Variants in TCF12 observed in about 807,000 individuals in gnomAD.
TCF12 encodes the protein transcription factor 12.
Under a neutral mutation model 86.0 loss-of-function variants are expected in TCF12, and 45 were observed. The ratio of observed to expected loss-of-function variants is 0.52; its 90% CI spans 0.41 to 0.67. The LOEUF (loss-of-function observed/expected upper bound fraction) is 0.67, where lower values mean the gene tolerates loss of function less well. Ranked by LOEUF, TCF12 falls within the 30% of genes least tolerant of loss-of-function variation. The pLI is 0.00. For missense variants in TCF12, 881 were observed against 859.9 expected, an observed-to-expected ratio of 1.02 and a Z score of -0.31; for synonymous variants, 330 against 299.6, an observed-to-expected ratio of 1.10 and a Z score of -1.05.
intron 3 of TCF12, among the ~76,000 whole-genome samples, chr15:57,018,549 G>A (rs1446100081): frequency 1.3e-5 from 2 of 151,968 alleles, no homozygotes; most frequent in Non-Finnish European, 2.9e-5. Context: ...CGCAACATGT[G>A]CTTCTCGGGG....
At chr15:57,019,652 C>T (rs1460630894) in intron 3 of TCF12, among the ~76,000 whole-genome samples, 2 of 152,054 alleles carry the variant, frequency 1.3e-5, no homozygotes, top group Non-Finnish European at 2.9e-5. Flanking sequence ...TCATGAGTCA[C>T]GGGTCCCAGT....
rs2066791462 is a variant in TCF12, at chr15:57,040,047, CT to C, written c.149-23702del. Among the ~76,000 whole-genome samples the C allele has an allele frequency of 3.3e-5, 5 of 152,130 alleles. No individual in the cohort carries two copies. The South Asian group carries it at 1.0e-3, about 31-fold the overall frequency. On this transcript the variant is annotated intron_variant, in intron 3 of 20. Transcript: ENST00000333725. Reference sequence around the variant, plus strand: ...TCTCTCTTTTATCTCACTTTCTTTCCTGAATAAGAACTTTTATTATTGGCTT... The same window carrying C: ...TCTCTCTTTTATCTCACTTTCTTTCCGAATAAGAACTTTTATTATTGGCTT...
chr15:57,222,692 C>T (rs2058654470), intron 8 of TCF12, among the ~76,000 whole-genome samples: 1 of 135,658 alleles, frequency 7.4e-6, no homozygotes, highest in African/African-American at 2.8e-5. Context: ...GTCCTTTACA[C>T]AGAAAGTGAG....
At chr15:57,174,792 T>G (rs1440868225) in intron 6 of TCF12, among the ~76,000 whole-genome samples, 1 of 152,098 alleles carries the variant, frequency 6.6e-6, no homozygotes, top group African/African-American at 2.4e-5. Flanking sequence ...TCCAAAAGCG[T>G]GAAATACTGA....
chr15:57,027,079 C>A lies in TCF12; in HGVS notation c.149-36671C>A, dbSNP rs371424922. Among the ~76,000 whole-genome samples, 9 of 151,890 alleles carry A rather than the reference C, an allele frequency of 5.9e-5. No homozygotes were observed. The East Asian group carries it at 7.7e-4, about 13-fold the overall frequency. On this transcript the variant is annotated intron_variant, in intron 3 of 20. Coordinates refer to ENST00000333725, the MANE Select transcript of TCF12 (RefSeq NM_207037.2). ...TCTGCAGATACAGAAACTGAAGATA[C>A]CTAGGGCTGACTGTATATACAATAA... is the stretch of plus-strand genomic sequence containing the variant.
chr15:56,937,074 C>G (rs2060501315), intron 3 of TCF12, among the ~76,000 whole-genome samples: 1 of 152,060 alleles, frequency 6.6e-6, no homozygotes, highest in Non-Finnish European at 1.5e-5. Flanking sequence ...TGGTCATTTT[C>G]ACAATATTGA....
At chr15:57,285,268 G>C (rs2061885572) in intron 20 of TCF12, among the ~76,000 whole-genome samples, 1 of 152,134 alleles carries the variant, frequency 6.6e-6, no homozygotes, top group Non-Finnish European at 1.5e-5. Context: ...GTCCCTAAGA[G>C]CATTGCTGTG....
intron 3 of TCF12, among the ~76,000 whole-genome samples, chr15:56,990,875 G>A (rs1158852514): frequency 6.6e-6 from 1 of 151,310 alleles, no homozygotes; most frequent in Non-Finnish European, 1.5e-5. Context: ...GCTCACTGGA[G>A]CCTCTACCTT....
At chr15:57,194,785 C>G (rs2057167322) in intron 7 of TCF12, among the ~76,000 whole-genome samples, 1 of 152,150 alleles carries the variant, frequency 6.6e-6, no homozygotes, top group African/African-American at 2.4e-5. Flanking sequence ...TGTGTTACCC[C>G]CTTTTTACAT....
intron 3 of TCF12, among the ~76,000 whole-genome samples, chr15:57,000,913 A>G (rs1400538229): frequency 6.6e-6 from 1 of 151,430 alleles, no homozygotes; most frequent in East Asian, 1.9e-4. Flanking sequence ...TGTCCTGTTT[A>G]TTATGACTCT....
At chr15:57,117,117 T>C (rs1203285858) in intron 5 of TCF12, among the ~76,000 whole-genome samples, 2 of 151,886 alleles carry the variant, frequency 1.3e-5, no homozygotes, top group African/African-American at 4.8e-5. Flanking sequence ...TTTTTTTCTT[T>C]CTTTTTCATT....
chr15:56,949,911 C>T (rs2061187588), intron 3 of TCF12, among the ~76,000 whole-genome samples: 1 of 152,130 alleles, frequency 6.6e-6, no homozygotes, highest in African/African-American at 2.4e-5. Context: ...GTGGGGAAGA[C>T]AGGAAAAGGG....
Position 57,063,822 on chromosome 15 carries a change from G to C in TCF12, c.221G>C (p.Arg74Thr). The C allele has an allele frequency of 6.3e-7, 1 of 1,585,776 alleles. No individual in the cohort carries two copies. Among genetic ancestry groups the C allele is most frequent in the South Asian group, 1.1e-5 (1 of 87,540 alleles). Reference sequence around the variant, plus strand: ...CCAAGTCCTTCCTATGATTCATCTAGAGTAAGTTTGCTGATCAACCCTTGA... The same window carrying C: ...CCAAGTCCTTCCTATGATTCATCTACAGTAAGTTTGCTGATCAACCCTTGA... ...GQPSPSYDSSRGFTDSPHYSD... is the reference protein window; with the variant it reads ...GQPSPSYDSSTGFTDSPHYSD... Residue 74 changes from arginine (R) to threonine (T), a missense_variant and splice_region_variant, in exon 4 of 21, where the codon AGA (arginine) becomes ACA (threonine). Arg to Thr is a moderately conservative substitution (Grantham distance 71). This residue lies in a region of TCF12 where 766 missense variants were observed against 718.9 expected (regional missense o/e 1.07). Transcript: ENST00000333725.
intron 3 of TCF12, among the ~76,000 whole-genome samples, chr15:56,971,914 A>G (rs1324374492): frequency 1.3e-5 from 2 of 152,180 alleles, no homozygotes; most frequent in Non-Finnish European, 2.9e-5. Flanking sequence ...GAGTAGATGG[A>G]AGAAGGGGGT....
At chr15:57,083,029 T>G (rs1412151848) in intron 4 of TCF12, among the ~76,000 whole-genome samples, 1 of 152,160 alleles carries the variant, frequency 6.6e-6, no homozygotes, top group Admixed American at 6.5e-5. Flanking sequence ...GTCTTATATA[T>G]TGAATGTTAA....
intron 13 of TCF12, among the ~76,000 whole-genome samples, chr15:57,248,548 T>C (rs1440352136): frequency 6.6e-6 from 1 of 152,188 alleles, no homozygotes. Flanking sequence ...GTAGTAATCT[T>C]CAGAGCTTTC....
intron 5 of TCF12, among the ~76,000 whole-genome samples, chr15:57,097,697 A>C (rs1395855477): frequency 3.3e-5 from 5 of 152,124 alleles, no homozygotes; most frequent in African/African-American, 1.2e-4. Context: ...AATAACCCTA[A>C]ATTTCATGAA....
intron 6 of TCF12, among the ~76,000 whole-genome samples, chr15:57,180,726 A>G (rs2056278191): frequency 6.6e-6 from 1 of 151,534 alleles, no homozygotes; most frequent in Non-Finnish European, 1.5e-5. Flanking sequence ...ACTATAACAT[A>G]TGAGGTACTC....
At position 56,918,657 on chromosome 15, in the gene TCF12, T is replaced by C. The variant is rs955936145; in HGVS notation, c.-272T>C. The C allele has an allele frequency of 1.1e-5, 2 of 187,986 alleles. No homozygotes were observed. The highest frequency in any genetic ancestry group is 2.2e-5 in the Non-Finnish European group (2 of 88,946). The allele number at this position is 187,986 out of a possible 1,614,324, so 11.6% of individuals were successfully genotyped here. A position where few individuals can be genotyped will look rare whatever the true frequency, so the allele number is the denominator to read the frequency against. ...GGATCCGGAGGCGAGCCGAGCGCGG[T>C]GGTGAGGCCGCCTCAGCGAAAAAAA... is the stretch of plus-strand genomic sequence containing the variant. On this transcript the variant is annotated 5_prime_UTR_variant, in exon 1 of 21. Coordinates refer to ENST00000333725, the MANE Select transcript of TCF12 (RefSeq NM_207037.2).
Sources: allele counts gnomAD v4.1 joint callset (sites outside exome capture counted in the v4.1 genomes callset), GRCh38; gene constraint gnomAD v4.1.1; regional missense constraint gnomAD v4.1.1; transcripts MANE v1.5; gene names NCBI Gene and HGNC (gene_info 2026-07-23, HGNC 2026-07-21).